The following CYB5B variants were observed in gnomAD, a reference collection of about 807,000 sequenced individuals.
CYB5B encodes the protein cytochrome b5 type B (outer mitochondrial membrane).
Under a neutral mutation model 21.3 loss-of-function variants are expected in CYB5B, and 14 were observed. The ratio of observed to expected loss-of-function variants is 0.66; its 90% confidence interval spans 0.43 to 1.03. The LOEUF (loss-of-function observed/expected upper bound fraction) is 1.03, where lower values mean the gene tolerates loss of function less well. Ranked by LOEUF, CYB5B falls within the 50% of genes least tolerant of loss-of-function variation. The probability of loss-of-function intolerance (pLI) is 0.00; values close to 1 mark genes in which losing one functional copy is unlikely to be tolerated. For missense variants in CYB5B, 166 were observed against 185.1 expected, an observed-to-expected ratio of 0.90 and a Z score of 0.60; for synonymous variants, 69 against 68.4, an observed-to-expected ratio of 1.01 and a Z score of -0.04.
At chr16:69,457,996 G>A (rs1345303531) in intron 3 of CYB5B, among the ~76,000 whole-genome samples, 1 of 152,114 alleles carries the variant, frequency 6.6e-6, no homozygotes, top group East Asian at 1.9e-4. Context: ...TGCAAAGATG[G>A]TATTTTGGGC....
chr16:69,445,310 A>C (rs2014867071), intron 1 of CYB5B, among the ~76,000 whole-genome samples: 1 of 152,204 alleles, frequency 6.6e-6, no homozygotes. Context: ...AAATACTGGG[A>C]TGTGAGACCC....
rs778724487 is a variant in CYB5B, at chr16:69,424,738, G to A, written c.55G>A (p.Glu19Lys). 1 of 1,600,798 alleles carries A rather than the reference G, an allele frequency of 6.2e-7. No homozygotes were observed. The highest frequency in any genetic ancestry group is 8.5e-7 in the Non-Finnish European group (1 of 1,173,762). The stretch of plus-strand genomic sequence containing the variant: ...TAGCGGCAGCGATGGGAAAGGGCAG[G>A]AAGTCGAGACCTCAGTCACCTATTA... ...EASGSDGKGQEVETSVTYYRL... is the reference protein window; with the variant it reads ...EASGSDGKGQKVETSVTYYRL... The change falls in exon 1 of 5, where the codon GAA becomes AAA. Residue 19 changes from glutamate (E) to lysine (K), a missense_variant. Physicochemically the swap from Glu to Lys is moderately conservative, Grantham distance 56. Transcript: ENST00000307892.
chr16:69,429,504 T>A lies in CYB5B; in HGVS notation c.174+4647T>A, dbSNP rs182716903. Among the ~76,000 whole-genome samples, 161 of 152,296 alleles carry A rather than the reference T, an allele frequency of 1.1e-3. 1 individual carries two copies. The highest frequency in any genetic ancestry group is 1.8e-3 in the Non-Finnish European group (122 of 68,024). On this transcript the variant is annotated intron_variant, in intron 1 of 4. Coordinates refer to ENST00000307892, the MANE Select transcript of CYB5B (RefSeq NM_030579.3). ...ATTGGTGCATTTACAATCCTCTAGC[T>A]AGACACAAAAGTTTGCCAAGTCCCC... is the stretch of plus-strand genomic sequence containing the variant.
chr16:69,442,888 G>A (rs2142817229), intron 1 of CYB5B, among the ~76,000 whole-genome samples: 1 of 150,456 alleles, frequency 6.6e-6, no homozygotes, highest in Admixed American at 6.6e-5. Flanking sequence ...AGCAGGTTAA[G>A]GACTACTCCA....
rs2142830390 is a variant in CYB5B at position 69,463,454 on chromosome 16, T to C, written c.*934T>C. On this transcript the variant is annotated 3_prime_UTR_variant, in exon 5 of 5. Coordinates refer to ENST00000307892, the MANE Select transcript of CYB5B (RefSeq NM_030579.3). ...AGGAGTTTAGAGAAGGCACCAAAGC[T>C]TTCACTTTGGTTTGGCACCAGTTTC... 1 of 152,312 alleles carries C rather than the reference T, an allele frequency of 6.6e-6. No homozygotes were observed. The highest frequency in any genetic ancestry group is 1.9e-4 in the East Asian group (1 of 5,186). The allele number at this position is 152,312 out of a possible 1,614,324, so 9.4% of individuals were successfully genotyped here. A position where few individuals can be genotyped will look rare whatever the true frequency, so the allele number is the denominator to read the frequency against.
chr16:69,435,434 GA>G (rs1399921563), intron 1 of CYB5B, among the ~76,000 whole-genome samples: 1 of 152,152 alleles, frequency 6.6e-6, no homozygotes, highest in African/African-American at 2.4e-5. Flanking sequence ...GATTTGCAGG[GA>G]AGATCTGTGC....
chr16:69,446,631 CTT>C (rs992280364), intron 1 of CYB5B, among the ~76,000 whole-genome samples: 2 of 152,190 alleles, frequency 1.3e-5, no homozygotes, highest in African/African-American at 4.8e-5. Flanking sequence ...GCCTAGTTAA[CTT>C]TTTAATTTGA....
intron 1 of CYB5B, among the ~76,000 whole-genome samples, chr16:69,438,767 A>C (rs1346045623): frequency 6.6e-6 from 1 of 152,192 alleles, no homozygotes; most frequent in Non-Finnish European, 1.5e-5. Flanking sequence ...TGAATGTGAG[A>C]AGGAGAGAGA....
intron 1 of CYB5B, among the ~76,000 whole-genome samples, chr16:69,434,100 C>T (rs1232951400): frequency 1.3e-5 from 2 of 152,160 alleles, no homozygotes; most frequent in African/African-American, 4.8e-5. Context: ...CCAGTGTTGT[C>T]CCCATACACA....
intron 4 of CYB5B, among the ~76,000 whole-genome samples, chr16:69,461,211 A>T (rs2015032768): frequency 6.6e-6 from 1 of 152,018 alleles, no homozygotes. Context: ...TCAAAAAAAA[A>T]AAAAAGAAAG....
intron 1 of CYB5B, among the ~76,000 whole-genome samples, chr16:69,439,816 C>T (rs1443445951): frequency 6.6e-6 from 1 of 151,416 alleles, no homozygotes; most frequent in African/African-American, 2.4e-5. Flanking sequence ...ATCCACCTGC[C>T]TCAGCCTCCC....
intron 1 of CYB5B, among the ~76,000 whole-genome samples, chr16:69,431,784 G>A (rs1444084164): frequency 4.6e-5 from 7 of 152,024 alleles, no homozygotes; most frequent in African/African-American, 7.2e-5. Flanking sequence ...CAAACAAAAC[G>A]AAAATATCCC....
chr16:69,427,060 C>T (rs530785769), intron 1 of CYB5B, among the ~76,000 whole-genome samples: 72 of 152,068 alleles, frequency 4.7e-4, no homozygotes, highest in African/African-American at 1.5e-3. Flanking sequence ...GCCAACACGG[C>T]GAAACCTCGT....
chr16:69,437,769 G>A (rs914376646), intron 1 of CYB5B, among the ~76,000 whole-genome samples: 3 of 152,048 alleles, frequency 2.0e-5, no homozygotes, highest in South Asian at 2.1e-4. Context: ...CCATAACTCC[G>A]TATTCCTCTC....
chr16:69,442,796 A>G (rs189061439), intron 1 of CYB5B, among the ~76,000 whole-genome samples: 2 of 148,468 alleles, frequency 1.3e-5, no homozygotes, highest in African/African-American at 5.0e-5. Flanking sequence ...TGTTGGGAAT[A>G]CAGGTGTGAG....
At chr16:69,445,544 A>G (rs948196166) in intron 1 of CYB5B, among the ~76,000 whole-genome samples, 3 of 152,240 alleles carry the variant, frequency 2.0e-5, no homozygotes, top group Non-Finnish European at 4.4e-5. Flanking sequence ...TTGATATATT[A>G]AATAATATAA....
At chr16:69,446,658 T>C (rs1471352798) in intron 1 of CYB5B, among the ~76,000 whole-genome samples, 1 of 152,238 alleles carries the variant, frequency 6.6e-6, no homozygotes, top group Non-Finnish European at 1.5e-5. Context: ...ATTTCAAAGT[T>C]ACAGAAAAGT....
In CYB5B at chr16:69,463,962, TGTG is replaced by T. The variant is rs1285009938; in HGVS notation, c.*1446_*1448del. ...ACACTGGCTGTTTTCTGCCAGCAACTGTGGTGATTTTTCTCCCTGTCCTTTGAG... is the reference window on the plus strand; with the variant it reads ...ACACTGGCTGTTTTCTGCCAGCAACTGTGATTTTTCTCCCTGTCCTTTGAG... On this transcript the variant is annotated 3_prime_UTR_variant, in exon 5 of 5. Transcript: ENST00000307892. The T allele has an allele frequency of 6.6e-6, 1 of 152,228 alleles. No homozygotes were observed. The highest frequency in any genetic ancestry group is 2.4e-5 in the African/African-American group (1 of 41,458). The allele number at this position is 152,228 out of a possible 1,614,324, so 9.4% of individuals were successfully genotyped here. A position where few individuals can be genotyped will look rare whatever the true frequency, so the allele number is the denominator to read the frequency against.
At chr16:69,459,241 G>T (rs1320810165) in intron 4 of CYB5B, 120 bp downstream of exon 4, 11 of 1,272,736 alleles carry the variant, frequency 8.6e-6, no homozygotes, top group South Asian at 1.8e-5. Context: ...TTCTTTTTTG[G>T]CCCAAATCAT....
Sources: gnomAD v4.1 joint callset for allele counts (sites outside exome capture counted in the v4.1 genomes callset) on GRCh38, gnomAD v4.1.1 for gene constraint, MANE v1.5 for transcripts, NCBI Gene and HGNC (gene_info 2026-07-23, HGNC 2026-07-21) for gene names.